The following PMF1 variants were observed in gnomAD, a reference collection of about 807,000 sequenced individuals.
The protein encoded by PMF1 is polyamine-modulated factor 1.
PMF1 carries 21 observed loss-of-function variants against 26.7 expected under a neutral mutation model. The ratio of observed to expected loss-of-function variants is 0.79; its 90% confidence interval spans 0.56 to 1.13. The LOEUF is 1.13. Ranked by LOEUF, PMF1 falls within the 50% of genes most tolerant of loss-of-function variation. PMF1 has a pLI of 0.00. For synonymous variants in PMF1, 105 were observed against 101.0 expected, an observed-to-expected ratio of 1.04 and a Z score of -0.24; for missense variants, 266 against 254.9, an observed-to-expected ratio of 1.04 and a Z score of -0.30.
intron 1 of PMF1, among the ~76,000 whole-genome samples, chr1:156,228,256 A>AGTTTTT (rs1658488364): frequency 2.1e-4 from 7 of 33,552 alleles, no homozygotes; most frequent in East Asian, 8.9e-4. Context: ...GCACCTGGCG[A>AGTTTTT]TTTTTTTTTT....
intron 1 of PMF1, among the ~76,000 whole-genome samples, chr1:156,214,404 T>C (rs962442712): frequency 6.6e-6 from 1 of 152,184 alleles, no homozygotes; most frequent in Non-Finnish European, 1.5e-5. Flanking sequence ...CCATTCCTCC[T>C]GGGTTCAGCA....
chr1:156,236,583 AG>A (rs1659030240), intron 4 of PMF1, 100 bp downstream of exon 4: 1 of 1,421,444 alleles, frequency 7.0e-7, no homozygotes, highest in Non-Finnish European at 9.4e-7. Context: ...GGACCCCCAC[AG>A]GGGGTAGGAG....
chr1:156,216,323 G>C (rs770949193), intron 1 of PMF1, among the ~76,000 whole-genome samples: 5 of 152,112 alleles, frequency 3.3e-5, no homozygotes, highest in Non-Finnish European at 5.9e-5. Flanking sequence ...CCTGGGAAGC[G>C]GAGGTTTCAG....
chr1:156,225,432 C>A (rs772751276), intron 1 of PMF1: 6 of 621,664 alleles, frequency 9.7e-6, no homozygotes, highest in Non-Finnish European at 1.8e-5. Context: ...AGTATGTAGT[C>A]TTTTATCCCT....
chr1:156,216,700 G>T (rs1657739111), intron 1 of PMF1, among the ~76,000 whole-genome samples: 3 of 151,766 alleles, frequency 2.0e-5, no homozygotes, highest in African/African-American at 7.3e-5. Flanking sequence ...TCCGCTGCGG[G>T]CGCCCGGGGC....
intron 1 of PMF1, among the ~76,000 whole-genome samples, chr1:156,220,065 G>A (rs1382952544): frequency 2.0e-5 from 3 of 151,204 alleles, no homozygotes; most frequent in Non-Finnish European, 2.9e-5. Flanking sequence ...CCGGGTTCAC[G>A]CCATTCTCCT....
intron 1 of PMF1, among the ~76,000 whole-genome samples, chr1:156,222,497 G>A (rs1049784949): frequency 1.3e-5 from 2 of 152,134 alleles, no homozygotes; most frequent in East Asian, 1.9e-4. Flanking sequence ...ATTCTGCCGC[G>A]TCAGCCTCCT....
In PMF1 at chr1:156,239,848, ATGTTCTCTC is replaced by A. The variant is rs776269542; in HGVS notation, c.*249_*257del. On this transcript the variant is annotated 3_prime_UTR_variant, in exon 5 of 5. Transcript: ENST00000368277. ...TCTTCTACCTGGATAATTCTTGGCC[ATGTTCTCTC>A]TTCTCTAGGTTCAGGTCAGCTCTGC... is the stretch of plus-strand genomic sequence containing the variant. The A allele has an allele frequency of 2.5e-4, 121 of 490,868 alleles. No individual in the cohort carries two copies. The highest frequency in any genetic ancestry group is 1.6e-3 in the Middle Eastern group (3 of 1,864). The allele number at this position is 490,868 out of a possible 1,614,324, so 30.4% of individuals were successfully genotyped here.
At chr1:156,216,551 C>T (rs1470338064) in intron 1 of PMF1, among the ~76,000 whole-genome samples, 4 of 152,016 alleles carry the variant, frequency 2.6e-5, no homozygotes, top group Admixed American at 1.3e-4. Flanking sequence ...CTGCTTGAGC[C>T]GCCTGCTGGG....
chr1:156,228,256 A>ATCTTTTT (rs1658488901), intron 1 of PMF1, among the ~76,000 whole-genome samples: 1 of 33,546 alleles, frequency 3.0e-5, no homozygotes, highest in Non-Finnish European at 5.7e-5. Flanking sequence ...GCACCTGGCG[A>ATCTTTTT]TTTTTTTTTT....
Position 156,239,927 on chromosome 1 carries a change from C to T in PMF1, c.*326C>T. The T allele has an allele frequency of 3.0e-6, 1 of 328,110 alleles. No homozygotes were observed. Among genetic ancestry groups the T allele is most frequent in the Non-Finnish European group, 5.6e-6 (1 of 177,722 alleles). 20.3% of individuals were successfully genotyped at this position (328,110 alleles called of 1,614,324 possible). ...TGGTTCCCCAGCCCTTTTCCCTGGCCCTGGCTTGGAGAATCTGTTTTCAAT... is the reference window on the plus strand; with the variant it reads ...TGGTTCCCCAGCCCTTTTCCCTGGCTCTGGCTTGGAGAATCTGTTTTCAAT... On this transcript the variant is annotated 3_prime_UTR_variant, in exon 5 of 5. Coordinates refer to ENST00000368277, the MANE Select transcript of PMF1 (RefSeq NM_007221.4).
At chr1:156,214,492 C>T (rs114285679) in intron 1 of PMF1, among the ~76,000 whole-genome samples, 401 of 152,258 alleles carry the variant, frequency 2.6e-3, no homozygotes, top group African/African-American at 9.2e-3. Context: ...GCTGGGGATA[C>T]CATGAGGCAG....
chr1:156,226,102 A>G (rs572175546), intron 1 of PMF1, among the ~76,000 whole-genome samples: 37 of 152,172 alleles, frequency 2.4e-4, no homozygotes, highest in African/African-American at 7.7e-4. Flanking sequence ...TGATCCCCCC[A>G]CTTCGGCCTC....
rs1018549167 is a variant in PMF1, at chr1:156,239,735, G to C, written c.*134G>C. 3 of 742,770 alleles carry C rather than the reference G, an allele frequency of 4.0e-6. No homozygotes were observed. The highest frequency in any genetic ancestry group is 1.7e-5 in the African/African-American group (1 of 57,732). The allele number at this position is 742,770 out of a possible 1,614,324, so 46.0% of individuals were successfully genotyped here. A position where few individuals can be genotyped will look rare whatever the true frequency, so the allele number is the denominator to read the frequency against. On this transcript the variant is annotated 3_prime_UTR_variant, in exon 5 of 5. Transcript: ENST00000368277. ...CCATCAGCAGTGATGGAATTTGCTG[G>C]AGGACTAGGCCAGAGCAAGCCTCAC...
chr1:156,234,728 C>T (rs1658906986), intron 3 of PMF1, among the ~76,000 whole-genome samples: 1 of 152,092 alleles, frequency 6.6e-6, no homozygotes, highest in South Asian at 2.1e-4. Flanking sequence ...AGGCTGATCT[C>T]GAACTCCTGA....
At chr1:156,231,756 A>T (rs1000772971) in intron 1 of PMF1, among the ~76,000 whole-genome samples, 1 of 152,318 alleles carries the variant, frequency 6.6e-6, no homozygotes, top group East Asian at 1.9e-4. Context: ...ATATTACCTC[A>T]TGTAACAAGA....
intron 1 of PMF1, among the ~76,000 whole-genome samples, chr1:156,225,957 C>T (rs1464089632): frequency 6.6e-6 from 1 of 151,992 alleles, no homozygotes; most frequent in African/African-American, 2.4e-5. Flanking sequence ...CAGGTTCAAG[C>T]CATTCTTCTG....
intron 1 of PMF1, among the ~76,000 whole-genome samples, chr1:156,216,879 T>C (rs573713839): frequency 5.9e-5 from 9 of 152,178 alleles, no homozygotes; most frequent in African/African-American, 2.2e-4. Flanking sequence ...GTGGCACATA[T>C]ACACCATGGA....
chr1:156,235,406 G>A (rs1447704684), intron 3 of PMF1, among the ~76,000 whole-genome samples: 3 of 149,954 alleles, frequency 2.0e-5, no homozygotes, highest in Non-Finnish European at 4.4e-5. Flanking sequence ...TTACAGGCAT[G>A]AGCCACCGCG....
Sources: allele counts gnomAD v4.1 joint callset (sites outside exome capture counted in the v4.1 genomes callset), GRCh38; gene constraint gnomAD v4.1.1; transcripts MANE v1.5; gene names NCBI Gene and HGNC (gene_info 2026-07-23, HGNC 2026-07-21).